The following DES variants were observed in gnomAD, a reference collection of about 807,000 sequenced individuals.
The protein encoded by DES is cardiomyopathy, dilated 1F (autosomal dominant).
A neutral mutation model predicts 55.1 loss-of-function variants in DES; 34 were observed. The observed-to-expected ratio is 0.62, with a 90% CI of 0.47 to 0.82. The LOEUF is 0.82. Among genes scored for constraint, DES ranks in the 40% least tolerant of loss-of-function variants. DES has a pLI of 0.00. For missense variants in DES, 596 were observed against 645.9 expected, an observed-to-expected ratio of 0.92 and a Z score of 0.84; for synonymous variants, 259 against 270.8, an observed-to-expected ratio of 0.96 and a Z score of 0.43.
rs1273708097 is a variant in DES at position 219,418,716 on chromosome 2, C to CT, written c.254_255insT (p.Gly86ArgfsTer32). On this transcript the variant is annotated frameshift_variant, in exon 1 of 9. Transcript: ENST00000373960. LOFTEE classifies it high-confidence loss of function. ...ACCCGCACGCCCTCCTCCTACGGCG[C>CT]AGGCGAGCTGCTGGACTTCTCACTG... The CT allele has an allele frequency of 1.9e-6, 3 of 1,564,084 alleles. No homozygotes were observed. The African/African-American group carries it at 4.1e-5, about 21-fold the overall frequency.
In DES at chr2:219,419,555, G is replaced by C. The variant is rs1032304941; in HGVS notation, c.578+515G>C. On this transcript the variant is annotated intron_variant, in intron 1 of 8. Coordinates refer to ENST00000373960, the MANE Select transcript of DES (RefSeq NM_001927.4). This position sits in a 1 kb window ranked among gnomAD's most constrained non-coding sequence, Gnocchi z 4.3. ...GGGAGCTTGGCCCTGGGGCCTTGCC[G>C]AGACTGTGTCTTTTTACAAGGTGAA... Among the ~76,000 whole-genome samples, 1 of 152,170 alleles carries C rather than the reference G, an allele frequency of 6.6e-6. No individual in the cohort carries two copies. Among genetic ancestry groups the C allele is most frequent in the African/African-American group, 2.4e-5 (1 of 41,440 alleles).
intron 7 of DES, 145 bp downstream of exon 7, chr2:219,423,965 C>T (rs145580668): frequency 1.8e-5 from 16 of 875,124 alleles, no homozygotes; most frequent in East Asian, 1.0e-4. Context: ...GGGACCACTG[C>T]GGGTAGGTGG....
chr2:219,425,460 C>CT, intron 7 of DES: 1 of 601,468 alleles, frequency 1.7e-6, no homozygotes. Context: ...AACTATGGGA[C>CT]AGGCGCTGGG....
Position 219,426,277 on chromosome 2 carries a change from G to GA in DES, c.*287_*288insA. On this transcript the variant is annotated 3_prime_UTR_variant, in exon 9 of 9. Transcript: ENST00000373960. The surrounding 1 kb of genome is among the most constrained non-coding windows in gnomAD (Gnocchi z 4.5). Reference sequence around the variant, plus strand: ...GCTGGATGGAGCCCAGGCGGGAGCGGTGGCCCTGTCCCTCCCACCTCTGTG... The same window carrying GA: ...GCTGGATGGAGCCCAGGCGGGAGCGGATGGCCCTGTCCCTCCCACCTCTGTG... The GA allele has an allele frequency of 1.7e-6, 1 of 577,914 alleles. No homozygotes were observed. Among genetic ancestry groups the GA allele is most frequent in the South Asian group, 1.9e-5 (1 of 51,986 alleles). 35.8% of individuals were successfully genotyped at this position (577,914 alleles called of 1,614,324 possible). A position where few individuals can be genotyped will look rare whatever the true frequency, so the allele number is the denominator to read the frequency against.
Position 219,421,346 on chromosome 2 carries a change from T to TCCCTGATGAGGCAGATG in DES, c.1032_1048dup (p.Arg350ProfsTer2). ...GGTTCCCCCTCTCCTGCAGAACGAT[T>TCCCTGATGAGGCAGATG]CCCTGATGAGGCAGATGCGGGAATT... On this transcript the variant is annotated frameshift_variant, in exon 6 of 9. Transcript: ENST00000373960. LOFTEE classifies it high-confidence loss of function. 6.2e-7 allele frequency: 1 copy of TCCCTGATGAGGCAGATG among 1,614,014 alleles called. No individual in the cohort carries two copies. The highest frequency in any genetic ancestry group is 8.5e-7 in the Non-Finnish European group (1 of 1,179,966).
chr2:219,421,667 C>A, intron 6 of DES, 107 bp downstream of exon 6: 6 of 1,033,724 alleles, frequency 5.8e-6, no homozygotes, highest in Non-Finnish European at 8.3e-6. Context: ...GACCTGGAAA[C>A]AATTTTTTTT....
intron 7 of DES, 161 bp from the exon 8 acceptor site, chr2:219,425,502 G>GTTAAAGGTGTTA: frequency 2.9e-6 from 2 of 686,000 alleles, no homozygotes; most frequent in Non-Finnish European, 5.2e-6. Context: ...GTGCTGGGCT[G>GTTAAAGGTGTTA]AAGGAAAGGT....
Position 219,420,776 on chromosome 2 carries a change from C to T in DES, c.898-52C>T, listed in dbSNP as rs1954424790. 6.2e-7 allele frequency: 1 copy of T among 1,613,564 alleles called. No individual in the cohort carries two copies. The highest frequency in any genetic ancestry group is 8.5e-7 in the Non-Finnish European group (1 of 1,179,966). On this transcript the variant is annotated intron_variant, in intron 4 of 8. Coordinates refer to ENST00000373960, the MANE Select transcript of DES (RefSeq NM_001927.4). This position sits in a 1 kb window ranked among gnomAD's most constrained non-coding sequence, Gnocchi z 6.0. ...AGGCTTCATGCTCCCTTGCTCATCC[C>T]TACCCGTGCCCTGCATCCTTCTCAT...
intron 6 of DES, among the ~76,000 whole-genome samples, chr2:219,422,461 A>ATGTTTTTTT (rs1954462754): frequency 2.4e-5 from 1 of 41,898 alleles, no homozygotes; most frequent in Non-Finnish European, 4.5e-5. Flanking sequence ...AATGTTCTAT[A>ATGTTTTTTT]TCTTTTTTTT....
chr2:219,420,988 T>C lies in DES; in HGVS notation c.1023+35T>C. Reference sequence around the variant, plus strand: ...TGCCCACCTGGCCAGGCCCTGCCCCTTCCTGTCTGCAGTTCACACCCTCAC... The same window carrying C: ...TGCCCACCTGGCCAGGCCCTGCCCCCTCCTGTCTGCAGTTCACACCCTCAC... On this transcript the variant is annotated intron_variant, in intron 5 of 8. Coordinates refer to ENST00000373960, the MANE Select transcript of DES (RefSeq NM_001927.4). The surrounding 1 kb of genome is among the most constrained non-coding windows in gnomAD (Gnocchi z 6.0). 6.2e-7 allele frequency: 1 copy of C among 1,606,684 alleles called. No homozygotes were observed.
chr2:219,426,140 C>T lies in DES; in HGVS notation c.*150C>T. ...CTCCTCACTGGCCATCCCTCGTGGTCCCCAACAGCGACATAGCCCATCCCT... is the reference window on the plus strand; with the variant it reads ...CTCCTCACTGGCCATCCCTCGTGGTTCCCAACAGCGACATAGCCCATCCCT... On this transcript the variant is annotated 3_prime_UTR_variant, in exon 9 of 9. Transcript: ENST00000373960. The surrounding 1 kb of genome is among the most constrained non-coding windows in gnomAD (Gnocchi z 4.5). The T allele has an allele frequency of 1.1e-6, 1 of 918,796 alleles. No individual in the cohort carries two copies. The allele number at this position is 918,796 out of a possible 1,614,324, so 56.9% of individuals were successfully genotyped here.
intron 8 of DES, 74 bp downstream of exon 8, chr2:219,425,819 G>T (rs1954525417): frequency 6.2e-7 from 1 of 1,603,510 alleles, no homozygotes; most frequent in Admixed American, 1.7e-5. Context: ...CTTCCACCCA[G>T]CTGTGCTGGT....
intron 7 of DES, among the ~76,000 whole-genome samples, chr2:219,424,592 A>C (rs1310700456): frequency 6.6e-6 from 1 of 152,262 alleles, no homozygotes; most frequent in African/African-American, 2.4e-5. Flanking sequence ...CACCAAACTC[A>C]TAATACCAAG....
At chr2:219,425,851 C>T (rs1168116047) in intron 8 of DES, 98 bp from the exon 9 acceptor site, 2 of 1,598,224 alleles carry the variant, frequency 1.3e-6, no homozygotes, top group Non-Finnish European at 1.7e-6. Context: ...GCTAGTGGGG[C>T]AAGAGAGATC....
intron 7 of DES, 123 bp downstream of exon 7, chr2:219,423,943 G>T: frequency 8.6e-7 from 1 of 1,159,886 alleles, no homozygotes. Flanking sequence ...CTGGAGTCTG[G>T]GGAAGAAAAA....
At chr2:219,422,044 T>G (rs1251822136) in intron 6 of DES, among the ~76,000 whole-genome samples, 1 of 152,162 alleles carries the variant, frequency 6.6e-6, no homozygotes, top group Non-Finnish European at 1.5e-5. Context: ...AAAAAGCAAT[T>G]TAATTAACAG....
chr2:219,423,615 A>G (rs1201712287), intron 6 of DES, among the ~76,000 whole-genome samples, 162 bp from the exon 7 acceptor site: 1 of 151,690 alleles, frequency 6.6e-6, no homozygotes, highest in Non-Finnish European at 1.5e-5. Context: ...AATTTTTTGT[A>G]TTTTTAGTAG....
At position 219,421,558 on chromosome 2, in the gene DES, C is replaced by T. The variant is rs764402662; in HGVS notation, c.1242C>T (p.Ser414=). ...TYRKLLEGEE[S]RINLPIQTYS... is the part of the protein sequence containing the mutation. ...GGAAGCTGCTGGAGGGAGAGGAGAG[C>T]CGGTGAGGGGCCAGGCAGGAGCCCG... The change falls in exon 6 of 9, where the codon AGC becomes AGT. Residue 414 remains serine (S), a splice_region_variant and synonymous_variant. Coordinates refer to ENST00000373960, the MANE Select transcript of DES (RefSeq NM_001927.4). 2 of 1,613,374 alleles carry T rather than the reference C, an allele frequency of 1.2e-6. No homozygotes were observed. The highest frequency in any genetic ancestry group is 2.2e-5 in the South Asian group (2 of 91,046).
chr2:219,421,066 T>C, intron 5 of DES, 113 bp downstream of exon 5: 1 of 1,451,188 alleles, frequency 6.9e-7, no homozygotes, highest in South Asian at 1.2e-5. Context: ...TCTACTTAAA[T>C]CTACAATAGG....
Sources: allele counts gnomAD v4.1 joint callset (sites outside exome capture counted in the v4.1 genomes callset), GRCh38; gene constraint gnomAD v4.1.1; non-coding constraint Gnocchi (gnomAD v3.1); transcripts MANE v1.5; gene names NCBI Gene and HGNC (gene_info 2026-07-23, HGNC 2026-07-21).